TBCK: variants seen among roughly 807,000 people sequenced by gnomAD.
TBCK encodes TBC1 domain containing kinase, also known as TBC domain-containing protein kinase-like protein.
In TBCK, 99 loss-of-function variants were observed where a neutral mutation model predicts 113.4. The observed-to-expected ratio is 0.87, with a 90% CI of 0.74 to 1.03. TBCK has a LOEUF of 1.03. Among genes scored for constraint, TBCK ranks in the 50% least tolerant of loss-of-function variants. The pLI, the probability that TBCK is intolerant of heterozygous loss-of-function variation, is 0.00. For missense variants in TBCK, 1,045 were observed against 1,061.3 expected (o/e 0.98, Z 0.21); for synonymous variants, 369 against 370.8 (o/e 1.00, Z 0.05).
intron 2 of TBCK, among the ~76,000 whole-genome samples, chr4:106,308,274 A>G (rs1309963547): frequency 1.3e-5 from 2 of 152,224 alleles, no homozygotes; most frequent in Non-Finnish European, 2.9e-5. Context: ...AGAACTAAGA[A>G]TCCTCAGAGG....
chr4:106,144,477 G>T (rs1014148215), intron 23 of TBCK, among the ~76,000 whole-genome samples: 1 of 152,068 alleles, frequency 6.6e-6, no homozygotes, highest in African/African-American at 2.4e-5. Context: ...CTATGAAATG[G>T]GGTCTCTGAA....
intron 1 of TBCK, chr4:106,310,422 G>A (rs1768071046): frequency 6.6e-6 from 1 of 152,212 alleles, no homozygotes; most frequent in Admixed American, 6.5e-5. Flanking sequence ...AGCAGTCAGA[G>A]GGTTTGAAAT....
At chr4:106,295,598 G>GA (rs1418476644) in intron 2 of TBCK, among the ~76,000 whole-genome samples, 2 of 151,918 alleles carry the variant, frequency 1.3e-5, no homozygotes, top group Admixed American at 1.3e-4. Context: ...TCAGAAACTT[G>GA]AAAAAAAGTA....
chr4:106,240,829 A>G (rs552708951), intron 12 of TBCK, among the ~76,000 whole-genome samples: 3 of 152,164 alleles, frequency 2.0e-5, no homozygotes, highest in African/African-American at 7.2e-5. Context: ...AGCTAGAAAG[A>G]TAGACATGTG....
At chr4:106,304,897 T>C (rs917720948) in intron 2 of TBCK, among the ~76,000 whole-genome samples, 6 of 152,208 alleles carry the variant, frequency 3.9e-5, no homozygotes, top group African/African-American at 1.4e-4. Flanking sequence ...TTACCATGCA[T>C]TTCTGAGTCA....
rs557941290 is a variant in TBCK at position 106,120,694 on chromosome 4, C to T, written c.2236-4316G>A. 7.2e-5 allele frequency among the ~76,000 whole-genome samples: 11 copies of T among 152,326 alleles called. 1 individual carries two copies. In the South Asian group the frequency reaches 2.1e-3, roughly 29 times the overall value. On this transcript the variant is annotated intron_variant, in intron 23 of 25. Transcript: ENST00000394708. The stretch of plus-strand genomic sequence containing the variant: ...AGCAGCCTAACTGGGAGGCACCCCC[C>T]AGCAGGGGCACACTGACACCTCACA...
chr4:106,193,812 TAAC>T, intron 21 of TBCK, 42 bp from the exon 22 acceptor site: 2 of 1,306,550 alleles, frequency 1.5e-6, no homozygotes, highest in Non-Finnish European at 2.1e-6. Flanking sequence ...AAAACCAAAA[TAAC>T]AATTAAAACA....
At chr4:106,094,413 G>A (rs1039212957) in intron 25 of TBCK, among the ~76,000 whole-genome samples, 2 of 151,404 alleles carry the variant, frequency 1.3e-5, no homozygotes, top group Non-Finnish European at 2.9e-5. Context: ...TCCTTTTTTG[G>A]TCTCTCTATA....
At chr4:106,241,078 A>C (rs1760058056) in intron 12 of TBCK, among the ~76,000 whole-genome samples, 1 of 151,948 alleles carries the variant, frequency 6.6e-6, no homozygotes, top group Non-Finnish European at 1.5e-5. Context: ...GTTCACTGTA[A>C]ATGCTTTTCA....
At chr4:106,216,400 A>T (rs1183356571) in intron 19 of TBCK, among the ~76,000 whole-genome samples, 1 of 152,240 alleles carries the variant, frequency 6.6e-6, no homozygotes, top group Non-Finnish European at 1.5e-5. Context: ...GACACAAAAA[A>T]CCCTTCAAAA....
chr4:106,178,399 T>C (rs1283647817), intron 22 of TBCK, among the ~76,000 whole-genome samples: 1 of 151,962 alleles, frequency 6.6e-6, no homozygotes, highest in Non-Finnish European at 1.5e-5. Context: ...TTCTTCTAGA[T>C]TTTACAAAAA....
At chr4:106,223,204 T>C (rs1757894201) in intron 19 of TBCK, among the ~76,000 whole-genome samples, 1 of 152,164 alleles carries the variant, frequency 6.6e-6, no homozygotes, top group South Asian at 2.1e-4. Context: ...CAACTGCTTT[T>C]GCACCAACCT....
At chr4:106,063,660 T>C (rs916936998) in intron 25 of TBCK, among the ~76,000 whole-genome samples, 4 of 151,808 alleles carry the variant, frequency 2.6e-5, no homozygotes, top group African/African-American at 9.7e-5. Flanking sequence ...CCCAAATTCA[T>C]ATGTTAAAAT....
intron 24 of TBCK, among the ~76,000 whole-genome samples, chr4:106,105,217 C>T (rs893730344): frequency 6.6e-6 from 1 of 152,200 alleles, no homozygotes; most frequent in Non-Finnish European, 1.5e-5. Flanking sequence ...CACACACTCC[C>T]CAAAACTCAT....
intron 2 of TBCK, among the ~76,000 whole-genome samples, chr4:106,301,998 T>C (rs1766998039): frequency 6.6e-6 from 1 of 152,226 alleles, no homozygotes; most frequent in African/African-American, 2.4e-5. Context: ...TAGAATGTTT[T>C]GGAACAAACA....
At chr4:106,278,558 C>CAAAAAAAAAAAAAAAAAAA (rs376599844) in intron 3 of TBCK, among the ~76,000 whole-genome samples, 1 of 22,136 alleles carries the variant, frequency 4.5e-5, no homozygotes, top group African/African-American at 1.7e-4. Flanking sequence ...AACTCTGTCT[C>CAAAAAAAAAAAAAAAAAAA]AAAAAAAAAA....
chr4:106,290,263 C>T (rs1236982786), intron 3 of TBCK, among the ~76,000 whole-genome samples: 4 of 152,152 alleles, frequency 2.6e-5, no homozygotes, highest in South Asian at 2.1e-4. Context: ...CTGCAATCTC[C>T]GCCTCCCGGG....
intron 12 of TBCK, 75 bp downstream of exon 12, chr4:106,242,395 A>T: frequency 5.5e-6 from 6 of 1,097,782 alleles, no homozygotes; most frequent in Non-Finnish European, 7.7e-6. Context: ...GAGGCATACA[A>T]GATTTCTTGT....
chr4:106,110,173 G>C (rs1215172665), intron 24 of TBCK, among the ~76,000 whole-genome samples: 1 of 152,236 alleles, frequency 6.6e-6, no homozygotes, highest in Non-Finnish European at 1.5e-5. Context: ...GCACCAGCTT[G>C]TCAGGGCTGC....
Sources: allele counts gnomAD v4.1 joint callset (sites outside exome capture counted in the v4.1 genomes callset), GRCh38; gene constraint gnomAD v4.1.1; transcripts MANE v1.5; gene names NCBI Gene and HGNC (gene_info 2026-07-23, HGNC 2026-07-21).